The following SLC9A3 variants were observed in gnomAD, a reference collection of about 807,000 sequenced individuals.
The protein encoded by SLC9A3 is sodium/hydrogen exchanger 3.
SLC9A3 carries 37 observed loss-of-function variants against 86.8 expected under a neutral mutation model. The ratio of observed to expected loss-of-function variants is 0.43; its 90% CI spans 0.33 to 0.56. SLC9A3 has a LOEUF of 0.56. SLC9A3 is among the 20% of genes least tolerant of loss of function. SLC9A3 has a pLI of 0.06. For missense variants in SLC9A3, 1,011 were observed against 1,171.9 expected, an observed-to-expected ratio of 0.86 and a Z score of 2.00; for synonymous variants, 581 against 528.3, an observed-to-expected ratio of 1.10 and a Z score of -1.37.
rs116851209 is a variant in SLC9A3, at chr5:479,845, G to A, written c.1638C>T (p.Tyr546=). ...CAAGCGGCTCTGCTACCTCAGCCAC[G>A]TAGCTGATGGCATCCTTCAGGTTCA... is the stretch of plus-strand genomic sequence containing the variant. ...HELNLKDAIS[Y]VAEGERRGSL... is the part of the protein sequence containing the mutation. Residue 546 remains tyrosine (Y), a synonymous_variant, in exon 10 of 17, where the codon TAC becomes TAT. Transcript: ENST00000264938. The A allele has an allele frequency of 6.0e-4, 970 of 1,613,498 alleles. 13 individuals are homozygous for A. In the East Asian group the frequency reaches 0.019, roughly 32 times the overall value.
chr5:488,188 A>C (rs1260503284), intron 3 of SLC9A3, 128 bp downstream of exon 3: 11 of 998,800 alleles, frequency 1.1e-5, no homozygotes, highest in African/African-American at 4.9e-5. Context: ...GAGGGACGGG[A>C]CGCCCCCGGG....
At position 482,538 on chromosome 5, in the gene SLC9A3, T is replaced by C. The variant is rs3777230; in HGVS notation, c.1356+10A>G. ...GCCGAGACCCCAGGGCTGGCTGGGCTGGGCCTCACCTGGAAGATGACGGTG... is the reference window on the plus strand; with the variant it reads ...GCCGAGACCCCAGGGCTGGCTGGGCCGGGCCTCACCTGGAAGATGACGGTG... On this transcript the variant is annotated intron_variant, in intron 7 of 16. Transcript: ENST00000264938. 1,405,632 of 1,602,448 alleles carry C rather than the reference T, an allele frequency of 0.88. 620,187 individuals are homozygous for C. The highest frequency in any genetic ancestry group is 0.92 in the African/African-American group (68,838 of 74,824).
rs1211338599 is a variant in SLC9A3, at chr5:472,242, C to G, written c.*1137G>C. On this transcript the variant is annotated 3_prime_UTR_variant, in exon 17 of 17. Coordinates refer to ENST00000264938, the MANE Select transcript of SLC9A3 (RefSeq NM_004174.4). Reference sequence around the variant, plus strand: ...CAGGAGCTCTGTCCAAGGCCTCGCCCTGGGACGCTGGAAGGGGTGGGAAGG... The same window carrying G: ...CAGGAGCTCTGTCCAAGGCCTCGCCGTGGGACGCTGGAAGGGGTGGGAAGG... 2.8e-6 allele frequency: 1 copy of G among 354,172 alleles called. No homozygotes were observed. Among genetic ancestry groups the G allele is most frequent in the Non-Finnish European group, 5.6e-6 (1 of 179,990 alleles). 21.9% of individuals were successfully genotyped at this position (354,172 alleles called of 1,614,324 possible).
intron 1 of SLC9A3, among the ~76,000 whole-genome samples, chr5:499,121 C>T (rs1209596260): frequency 6.6e-6 from 1 of 152,250 alleles, no homozygotes; most frequent in African/African-American, 2.4e-5. Flanking sequence ...AGGGCGTCCT[C>T]AGCCTGGGGC....
intron 6 of SLC9A3, 55 bp from the exon 7 acceptor site, chr5:482,805 C>G: frequency 7.1e-7 from 1 of 1,412,292 alleles, no homozygotes; most frequent in South Asian, 1.2e-5. Context: ...AGCCGCGGGA[C>G]CCCAGCCCCT....
intron 4 of SLC9A3, 53 bp from the exon 5 acceptor site, chr5:484,750 C>G (rs1292808816): frequency 1.3e-6 from 2 of 1,572,178 alleles, no homozygotes; most frequent in Non-Finnish European, 1.7e-6. Context: ...CCCTTCCTTG[C>G]CAGGGGCCGC....
In SLC9A3 at chr5:479,975, C is replaced by T; in HGVS notation, c.1518-10G>A. ...GTCGAAGTGGGACCACCTGTAGGGA[C>T]AGACCTTGGGTGTGAGCCTCAGGTG... is the stretch of plus-strand genomic sequence containing the variant. On this transcript the variant is annotated splice_polypyrimidine_tract_variant and intron_variant, in intron 9 of 16. Coordinates refer to ENST00000264938, the MANE Select transcript of SLC9A3 (RefSeq NM_004174.4). 6.2e-7 allele frequency: 1 copy of T among 1,612,456 alleles called. No individual in the cohort carries two copies. Among genetic ancestry groups the T allele is most frequent in the Non-Finnish European group, 8.5e-7 (1 of 1,179,016 alleles).
intron 3 of SLC9A3, among the ~76,000 whole-genome samples, chr5:487,010 A>C (rs112867861): frequency 2.2e-3 from 17 of 7,776 alleles, no homozygotes; most frequent in South Asian, 4.2e-3. Context: ...ACCGTGATCC[A>C]GACCGCACTG....
chr5:474,087 G>A (rs539060440), intron 16 of SLC9A3, among the ~76,000 whole-genome samples: 2 of 152,302 alleles, frequency 1.3e-5, no homozygotes, highest in African/African-American at 2.4e-5. Context: ...AGGGGCTGCT[G>A]GAGAGAGAGA....
intron 1 of SLC9A3, among the ~76,000 whole-genome samples, chr5:494,678 T>C (rs1469964118): frequency 6.6e-6 from 1 of 152,148 alleles, no homozygotes; most frequent in Non-Finnish European, 1.5e-5. Context: ...AAGACCAGGG[T>C]GGTCTGTGCC....
At position 473,014 on chromosome 5, in the gene SLC9A3, A is replaced by T; in HGVS notation, c.*365T>A. On this transcript the variant is annotated 3_prime_UTR_variant, in exon 17 of 17. Transcript: ENST00000264938. ...AGCGCGTGCGGCGGTGCGTGGCACGAGGGCGGCAGCGACGCCAGCTTCAGC... is the reference window on the plus strand; with the variant it reads ...AGCGCGTGCGGCGGTGCGTGGCACGTGGGCGGCAGCGACGCCAGCTTCAGC... The T allele has an allele frequency of 2.3e-6, 1 of 436,976 alleles. No homozygotes were observed. The highest frequency in any genetic ancestry group is 4.1e-6 in the Non-Finnish European group (1 of 245,654). The allele number at this position is 436,976 out of a possible 1,614,324, so 27.1% of individuals were successfully genotyped here.
Position 476,265 on chromosome 5 carries a change from C to T in SLC9A3, c.2004G>A (p.Lys668=), listed in dbSNP as rs1738725551. Reference sequence around the variant, plus strand: ...CCTTCTTGTTCTGGTTGAGCCCCAGCTTGGTCGACTTGAAGGACTCCAGGC... The same window carrying T: ...CCTTCTTGTTCTGGTTGAGCCCCAGTTTGGTCGACTTGAAGGACTCCAGGC... ...RKRLESFKST[K]LGLNQNKKAA... Residue 668 remains lysine (K), a synonymous_variant, in exon 13 of 17, where the codon AAG becomes AAA. Transcript: ENST00000264938. The T allele has an allele frequency of 3.1e-6, 5 of 1,614,036 alleles. No homozygotes were observed. The highest frequency in any genetic ancestry group is 4.2e-6 in the Non-Finnish European group (5 of 1,180,018).
intron 3 of SLC9A3, among the ~76,000 whole-genome samples, chr5:487,753 T>C (rs11747491): frequency 0.9 from 136,997 of 152,316 alleles, 62,132 homozygotes; most frequent in Non-Finnish European, 0.93. Context: ...TTGCAACCTC[T>C]GCCTCCTGGT....
chr5:517,522 TCATC>T (rs1325286315), intron 1 of SLC9A3, among the ~76,000 whole-genome samples: 1 of 145,342 alleles, frequency 6.9e-6, no homozygotes, highest in Non-Finnish European at 1.5e-5. Flanking sequence ...ATCCATTCAC[TCATC>T]CATCCATCAA....
rs200347051 is a variant in SLC9A3 at position 477,351 on chromosome 5, C to T, written c.1741G>A (p.Ala581Thr). Residue 581 changes from alanine to threonine, a missense_variant, in exon 11 of 17, where the codon GCC becomes ACC. Physicochemically the swap from Ala to Thr is moderately conservative, Grantham distance 58. This residue lies in a region of SLC9A3 where 397 missense variants were observed against 346.3 expected (regional missense o/e 1.15). Transcript: ENST00000264938. Reference protein sequence around the residue: ...DFTPRSSTVEASVSYLLRENV... With the variant: ...DFTPRSSTVETSVSYLLRENV... ...ACATACAGGAGGTAGGAGACAGAGG[C>T]CTCCACGGTGGACGATCGTGGCGTG... The T allele has an allele frequency of 1.2e-6, 2 of 1,608,758 alleles. No individual in the cohort carries two copies. The highest frequency in any genetic ancestry group is 1.1e-5 in the South Asian group (1 of 90,882).
intron 1 of SLC9A3, among the ~76,000 whole-genome samples, chr5:508,763 C>A (rs923928076): frequency 5.9e-5 from 9 of 152,174 alleles, no homozygotes; most frequent in Non-Finnish European, 1.0e-4. Flanking sequence ...CCGGGAGTCA[C>A]ACATGAGAAC....
chr5:486,206 G>T (rs1739453775), intron 3 of SLC9A3, among the ~76,000 whole-genome samples: 1 of 152,104 alleles, frequency 6.6e-6, no homozygotes, highest in African/African-American at 2.4e-5. Flanking sequence ...GGCTGCGTCT[G>T]CAGGGTCCTC....
At chr5:512,995 C>T (rs1285230406) in intron 1 of SLC9A3, among the ~76,000 whole-genome samples, 3 of 152,136 alleles carry the variant, frequency 2.0e-5, no homozygotes, top group Non-Finnish European at 2.9e-5. Flanking sequence ...GGGGGAAAGG[C>T]GGTTACAGAG....
At chr5:479,693 C>G (rs909727067) in intron 10 of SLC9A3, 143 bp downstream of exon 10, 11 of 735,296 alleles carry the variant, frequency 1.5e-5, no homozygotes, top group Non-Finnish European at 2.0e-5. Flanking sequence ...CATCAGAAGG[C>G]CCATCAGCCT....
Sources: gnomAD v4.1 joint callset for allele counts (sites outside exome capture counted in the v4.1 genomes callset) on GRCh38, gnomAD v4.1.1 for gene constraint, gnomAD v4.1.1 regional missense constraint, MANE v1.5 for transcripts, NCBI Gene and HGNC (gene_info 2026-07-23, HGNC 2026-07-21) for gene names.